LTBP1: variants seen among roughly 807,000 people sequenced by gnomAD.
LTBP1 encodes the protein latent transforming growth factor beta binding protein 1.
Under a neutral mutation model 207.6 loss-of-function variants are expected in LTBP1, and 129 were observed. The observed-to-expected ratio is 0.62, with a 90% CI of 0.54 to 0.72. LTBP1 has a LOEUF of 0.72. LTBP1 is among the 30% of genes least tolerant of loss of function. LTBP1 has a pLI of 0.00. For missense variants in LTBP1, 2,281 were observed against 2,217.2 expected (o/e 1.03, Z -0.58); for synonymous variants, 963 against 833.7 (o/e 1.16, Z -2.67).
intron 3 of LTBP1, among the ~76,000 whole-genome samples, chr2:33,037,019 C>T (rs2075959729): frequency 6.6e-6 from 1 of 152,002 alleles, no homozygotes; most frequent in Non-Finnish European, 1.5e-5. Flanking sequence ...TATCTCATTG[C>T]TATATTTTTC....
intron 18 of LTBP1, among the ~76,000 whole-genome samples, chr2:33,276,726 C>T (rs2093434263): frequency 6.6e-6 from 1 of 152,216 alleles, no homozygotes; most frequent in Admixed American, 6.5e-5. Context: ...TGGCACACGC[C>T]TGTAATCCCA....
At chr2:33,361,694 G>T (rs377744599) in intron 28 of LTBP1, among the ~76,000 whole-genome samples, 179 bp downstream of exon 28, 2 of 152,184 alleles carry the variant, frequency 1.3e-5, no homozygotes, top group African/African-American at 4.8e-5. Context: ...AACACAAACT[G>T]TATGATGCTC....
chr2:33,083,319 T>C (rs1380842122), intron 3 of LTBP1, among the ~76,000 whole-genome samples: 1 of 151,850 alleles, frequency 6.6e-6, no homozygotes, highest in Non-Finnish European at 1.5e-5. Flanking sequence ...AGAAGGGGAA[T>C]GTACCAGAAA....
intron 4 of LTBP1, among the ~76,000 whole-genome samples, chr2:33,115,083 AATAT>A (rs1169967210): frequency 2.1e-5 from 3 of 142,660 alleles, no homozygotes; most frequent in Middle Eastern, 3.6e-3. Context: ...CGTATACACA[AATAT>A]ATATACACAC....
intron 5 of LTBP1, among the ~76,000 whole-genome samples, chr2:33,168,636 A>T (rs768411110): frequency 1.3e-5 from 2 of 152,018 alleles, no homozygotes. Flanking sequence ...TTTGTGTTAC[A>T]TGGAGATTTA....
chr2:33,336,367 T>G (rs1201159179), intron 24 of LTBP1, among the ~76,000 whole-genome samples: 11 of 152,174 alleles, frequency 7.2e-5, no homozygotes, highest in African/African-American at 2.7e-4. Flanking sequence ...TTCAGAGGAT[T>G]CTTCTGTGAC....
At chr2:33,351,358 C>T (rs1032134342) in intron 26 of LTBP1, among the ~76,000 whole-genome samples, 1 of 152,228 alleles carries the variant, frequency 6.6e-6, no homozygotes, top group African/African-American at 2.4e-5. Flanking sequence ...AGGATCTTCT[C>T]ACTTCACCAT....
chr2:33,220,689 A>G (rs983888889), intron 8 of LTBP1, among the ~76,000 whole-genome samples: 1 of 152,208 alleles, frequency 6.6e-6, no homozygotes, highest in Admixed American at 6.5e-5. Flanking sequence ...ACTTTGAGGA[A>G]TTTGCAGCCA....
rs938801547 is a variant in LTBP1 at position 33,180,202 on chromosome 2, C to T, written c.1202-6654C>T. 2.0e-5 allele frequency among the ~76,000 whole-genome samples: 3 copies of T among 152,278 alleles called. No homozygotes were observed. In the East Asian group the frequency reaches 5.8e-4, roughly 29 times the overall value. Reference sequence around the variant, plus strand: ...GTCCGAGTCAGTATAAGTTAACAGACAGATAATCAAGAATTGAAGATAGGC... The same window carrying T: ...GTCCGAGTCAGTATAAGTTAACAGATAGATAATCAAGAATTGAAGATAGGC... On this transcript the variant is annotated intron_variant, in intron 5 of 33. Transcript: ENST00000404816.
intron 5 of LTBP1, among the ~76,000 whole-genome samples, chr2:33,180,621 T>G (rs2086525153): frequency 6.6e-6 from 1 of 151,792 alleles, no homozygotes; most frequent in Non-Finnish European, 1.5e-5. Context: ...CTGGCTAATT[T>G]TTGGGATGTT....
At position 33,251,144 on chromosome 2, in the gene LTBP1, G is replaced by A. The variant is rs141275943; in HGVS notation, c.2000-1533G>A. ...CACCTCTGCTACTACTGGGGCTGAG[G>A]ACTGGCCCACCTGGTAGCCTCATCC... On this transcript the variant is annotated intron_variant, in intron 10 of 33. Coordinates refer to ENST00000404816, the MANE Select transcript of LTBP1 (RefSeq NM_206943.4). 3.6e-4 allele frequency among the ~76,000 whole-genome samples: 55 copies of A among 152,322 alleles called. 1 individual carries two copies. The East Asian group carries it at 9.8e-3, about 27-fold the overall frequency.
chr2:33,018,101 T>C lies in LTBP1; in HGVS notation c.566-2808T>C, dbSNP rs574427713. ...TATTATATACATAGCTGTAATATTA[T>C]ATAACACGTTCTTTACTTTTCTTCC... On this transcript the variant is annotated intron_variant, in intron 2 of 33. Coordinates refer to ENST00000404816, the MANE Select transcript of LTBP1 (RefSeq NM_206943.4). Among the ~76,000 whole-genome samples, 233 of 152,302 alleles carry C rather than the reference T, an allele frequency of 1.5e-3. 3 individuals carry two copies. In the South Asian group the frequency reaches 0.029, roughly 19 times the overall value.
At chr2:33,146,580 A>C (rs116332784) in intron 5 of LTBP1, among the ~76,000 whole-genome samples, 2,437 of 152,256 alleles carry the variant, frequency 0.016, 26 homozygotes, top group East Asian at 0.029. Flanking sequence ...GTTAAAAACT[A>C]CCTGAGACTG....
chr2:33,153,184 A>G (rs1332121152), intron 5 of LTBP1, among the ~76,000 whole-genome samples: 2 of 152,160 alleles, frequency 1.3e-5, no homozygotes, highest in African/African-American at 2.4e-5. Flanking sequence ...TTCCACTTTG[A>G]ATCAAAGGAT....
At chr2:33,181,640 A>G (rs1289982798) in intron 5 of LTBP1, among the ~76,000 whole-genome samples, 1 of 152,250 alleles carries the variant, frequency 6.6e-6, no homozygotes, top group Non-Finnish European at 1.5e-5. Flanking sequence ...GGTGATGACC[A>G]GCAAAGTATC....
At chr2:33,258,216 A>G (rs1316193047) in intron 12 of LTBP1, among the ~76,000 whole-genome samples, 1 of 152,256 alleles carries the variant, frequency 6.6e-6, no homozygotes, top group Non-Finnish European at 1.5e-5. Context: ...ATATAAACCC[A>G]GCAATATCTA....
At chr2:33,233,049 A>C in intron 9 of LTBP1, among the ~76,000 whole-genome samples, 1 of 152,130 alleles carries the variant, frequency 6.6e-6, no homozygotes, top group East Asian at 1.9e-4. Flanking sequence ...ATTTATCTTT[A>C]TTTTACTCAG....
chr2:32,980,987 T>A (rs1387667946), intron 2 of LTBP1, among the ~76,000 whole-genome samples: 1 of 152,216 alleles, frequency 6.6e-6, no homozygotes, highest in Admixed American at 6.5e-5. Context: ...TTCTTTTCTC[T>A]TGCTGCTTTT....
chr2:33,099,287 A>G (rs1297924142), intron 3 of LTBP1, among the ~76,000 whole-genome samples: 2 of 152,232 alleles, frequency 1.3e-5, no homozygotes, highest in South Asian at 2.1e-4. Flanking sequence ...AAACAAGGCC[A>G]TTTGAGAAAA....
Sources: gnomAD v4.1 joint callset for allele counts (sites outside exome capture counted in the v4.1 genomes callset) on GRCh38, gnomAD v4.1.1 for gene constraint, MANE v1.5 for transcripts, NCBI Gene and HGNC (gene_info 2026-07-23, HGNC 2026-07-21) for gene names.